NAV2: variants seen among roughly 807,000 people sequenced by gnomAD.
NAV2 encodes the protein neuron navigator 2.
In NAV2, 54 loss-of-function variants were observed where a neutral mutation model predicts 223.2. The ratio of observed to expected loss-of-function variants is 0.24; its 90% CI spans 0.19 to 0.30. NAV2 has a LOEUF of 0.30. Ranked by LOEUF, NAV2 falls within the 10% of genes least tolerant of loss-of-function variation. The pLI is 1.00. For synonymous variants in NAV2, 1,279 were observed against 1,239.3 expected, an observed-to-expected ratio of 1.03 and a Z score of -0.67; for missense variants, 2,806 against 3,147.5, an observed-to-expected ratio of 0.89 and a Z score of 2.60.
intron 11 of NAV2, among the ~76,000 whole-genome samples, chr11:20,019,558 AAGTT>A (rs2054312503): frequency 6.6e-6 from 1 of 152,054 alleles, no homozygotes; most frequent in African/African-American, 2.4e-5. Flanking sequence ...CCAGGAAAAG[AAGTT>A]AGTTAGAAGT....
In NAV2 at chr11:20,004,536, C is replaced by T. The variant is rs1339449378; in HGVS notation, c.2768+20289C>T. ...CCACTGAAGAAGTGACTGCAGTGGG[C>T]TCTGATGCTGGGCAGTTTTGGTATT... On this transcript the variant is annotated intron_variant, in intron 11 of 37. Coordinates refer to ENST00000349880, the MANE Select transcript of NAV2 (RefSeq NM_145117.5). Among the ~76,000 whole-genome samples, 10 of 152,286 alleles carry T rather than the reference C, an allele frequency of 6.6e-5. No homozygotes were observed. In the East Asian group the frequency reaches 1.9e-3, roughly 29 times the overall value.
chr11:20,106,183 GTA>G (rs1182631250), intron 35 of NAV2, among the ~76,000 whole-genome samples: 1,664 of 25,442 alleles, frequency 0.065, 216 homozygotes, highest in East Asian at 0.21. Context: ...ATATGTGTGT[GTA>G]TATATATATA....
chr11:19,748,047 T>A (rs1407287045), intron 1 of NAV2, among the ~76,000 whole-genome samples: 1 of 152,184 alleles, frequency 6.6e-6, no homozygotes, highest in Non-Finnish European at 1.5e-5. Flanking sequence ...TAGTGAGACC[T>A]TGTCCAGGCT....
chr11:19,425,831 G>T (rs949789243), intron 1 of NAV2, among the ~76,000 whole-genome samples: 1 of 152,068 alleles, frequency 6.6e-6, no homozygotes. Context: ...AGGATCCCAG[G>T]CCTGTAATTC....
intron 10 of NAV2, among the ~76,000 whole-genome samples, chr11:19,953,668 A>G (rs1310444590): frequency 6.6e-6 from 1 of 152,224 alleles, no homozygotes; most frequent in African/African-American, 2.4e-5. Flanking sequence ...TTCACTTTGC[A>G]TGGGAAGTGT....
At chr11:19,494,259 T>C (rs774879899) in intron 1 of NAV2, among the ~76,000 whole-genome samples, 8 of 152,174 alleles carry the variant, frequency 5.3e-5, no homozygotes, top group Non-Finnish European at 1.2e-4. Flanking sequence ...CTGTCATAAA[T>C]AGGTATGCAT....
At position 19,416,440 on chromosome 11, in the gene NAV2, A is replaced by C. The variant is rs530944740; in HGVS notation, c.75+65413A>C. ...ACTACAAAGCACTGCTCAAGGAAATAAGAGAGGACACAACCAAATGGAAAA... is the reference window on the plus strand; with the variant it reads ...ACTACAAAGCACTGCTCAAGGAAATCAGAGAGGACACAACCAAATGGAAAA... On this transcript the variant is annotated intron_variant, in intron 1 of 37. Coordinates refer to the NAV2 transcript ENST00000360655. Among the ~76,000 whole-genome samples the C allele has an allele frequency of 1.6e-4, 24 of 152,324 alleles. No homozygotes were observed. The East Asian group carries it at 3.5e-3, about 22-fold the overall frequency.
intron 1 of NAV2, among the ~76,000 whole-genome samples, chr11:19,554,342 C>T (rs2044794949): frequency 6.6e-6 from 1 of 152,168 alleles, no homozygotes; most frequent in Non-Finnish European, 1.5e-5. Flanking sequence ...TGTCTGATGC[C>T]AATGCCCACA....
intron 7 of NAV2, among the ~76,000 whole-genome samples, chr11:19,937,605 A>G (rs978552442): frequency 1.3e-5 from 2 of 152,188 alleles, no homozygotes; most frequent in Non-Finnish European, 2.9e-5. Context: ...AGATTCAAAG[A>G]GGTGGAGTGA....
chr11:19,810,088 A>G (rs548265359), intron 1 of NAV2, among the ~76,000 whole-genome samples: 15 of 152,348 alleles, frequency 9.8e-5, no homozygotes, highest in African/African-American at 3.1e-4. Flanking sequence ...TTCTATTTAC[A>G]TGGAAGATTT....
chr11:19,520,763 A>G (rs1168435088), intron 1 of NAV2, among the ~76,000 whole-genome samples: 2 of 152,208 alleles, frequency 1.3e-5, no homozygotes, highest in African/African-American at 4.8e-5. Context: ...GCGAGGGCCC[A>G]GTGGTGTGTC....
At chr11:19,962,755 C>G (rs2048441550) in intron 10 of NAV2, among the ~76,000 whole-genome samples, 1 of 152,102 alleles carries the variant, frequency 6.6e-6, no homozygotes, top group African/African-American at 2.4e-5. Flanking sequence ...ATTTTTGAGA[C>G]CCAAAAATGA....
chr11:19,883,858 A>C (rs1029866552), intron 5 of NAV2, among the ~76,000 whole-genome samples: 15 of 152,192 alleles, frequency 9.9e-5, no homozygotes, highest in Admixed American at 4.6e-4. Flanking sequence ...TAGGTTTGCA[A>C]ACATCTTGTT....
chr11:19,624,115 T>G (rs554884246), intron 1 of NAV2, among the ~76,000 whole-genome samples: 6 of 152,310 alleles, frequency 3.9e-5, no homozygotes, highest in African/African-American at 1.4e-4. Flanking sequence ...TGCTGCCTGA[T>G]TGTTCCTCTG....
chr11:19,634,664 C>T (rs1256021698), intron 1 of NAV2, among the ~76,000 whole-genome samples: 1 of 152,202 alleles, frequency 6.6e-6, no homozygotes, highest in Non-Finnish European at 1.5e-5. Context: ...TGAGCAAATA[C>T]AGCCCCTGTC....
chr11:19,751,027 T>C (rs1397080720), intron 1 of NAV2, among the ~76,000 whole-genome samples: 2 of 152,188 alleles, frequency 1.3e-5, no homozygotes, highest in Non-Finnish European at 1.5e-5. Flanking sequence ...TGTGCATCTC[T>C]TCCCAATTTC....
intron 26 of NAV2, among the ~76,000 whole-genome samples, chr11:20,088,747 G>C (rs2060621780): frequency 1.3e-5 from 2 of 152,208 alleles, no homozygotes; most frequent in South Asian, 4.1e-4. Flanking sequence ...AAAGGGTGCA[G>C]ATCAGGTGAA....
At chr11:19,802,470 G>T (rs775413422) in intron 1 of NAV2, among the ~76,000 whole-genome samples, 5 of 152,188 alleles carry the variant, frequency 3.3e-5, no homozygotes, top group African/African-American at 4.8e-5. Context: ...TGTGATCTGT[G>T]AACTGGCCTC....
At chr11:20,021,116 C>T (rs534422227) in intron 11 of NAV2, among the ~76,000 whole-genome samples, 1 of 152,204 alleles carries the variant, frequency 6.6e-6, no homozygotes, top group African/African-American at 2.4e-5. Context: ...CAAATCACAT[C>T]TTCTTCTTTA....
Sources: gnomAD v4.1 joint callset for allele counts (sites outside exome capture counted in the v4.1 genomes callset) on GRCh38, gnomAD v4.1.1 for gene constraint, MANE v1.5 for transcripts, NCBI Gene and HGNC (gene_info 2026-07-23, HGNC 2026-07-21) for gene names.